PCDHGA2: variants seen among roughly 807,000 people sequenced by gnomAD.
PCDHGA2 encodes the protein protocadherin gamma-A2.
PCDHGA2 carries 40 observed loss-of-function variants against 59.2 expected under a neutral mutation model. That is an observed-to-expected ratio of 0.68 (90% CI 0.52 to 0.88). The LOEUF is 0.88. Among genes scored for constraint, PCDHGA2 ranks in the 40% least tolerant of loss-of-function variants. The pLI is 0.00. For synonymous variants in PCDHGA2, 560 were observed against 526.0 expected (o/e 1.06, Z -0.89); for missense variants, 1,226 against 1,204.0 (o/e 1.02, Z -0.27).
chr5:141,448,179 G>C (rs763996329), intron 1 of PCDHGA2, among the ~76,000 whole-genome samples: 1 of 151,982 alleles, frequency 6.6e-6, no homozygotes, highest in Non-Finnish European at 1.5e-5. Context: ...ATTCATCCCT[G>C]GTTATGTACA....
intron 1 of PCDHGA2, among the ~76,000 whole-genome samples, chr5:141,462,783 T>A (rs1313584666): frequency 6.6e-6 from 1 of 152,236 alleles, no homozygotes; most frequent in Non-Finnish European, 1.5e-5. Flanking sequence ...CATAATTTGT[T>A]GCTTATTTGC....
chr5:141,417,954 C>G, intron 1 of PCDHGA2: 2 of 1,613,600 alleles, frequency 1.2e-6, no homozygotes, highest in South Asian at 1.1e-5. Flanking sequence ...CTGTGTGAGC[C>G]GATCCGCTAC....
intron 1 of PCDHGA2, among the ~76,000 whole-genome samples, chr5:141,479,138 T>G (rs1469363480): frequency 6.6e-6 from 1 of 152,232 alleles, no homozygotes; most frequent in Non-Finnish European, 1.5e-5. Flanking sequence ...GCACCCTGCT[T>G]ACAAAATATT....
intron 1 of PCDHGA2, chr5:141,361,229 T>C: frequency 6.2e-7 from 1 of 1,613,992 alleles, no homozygotes. Flanking sequence ...CCAGGAACAG[T>C]GATCGCCTTG....
chr5:141,403,626 C>T, intron 1 of PCDHGA2: 1 of 1,613,910 alleles, frequency 6.2e-7, no homozygotes, highest in Non-Finnish European at 8.5e-7. Context: ...CGCTCCAGCA[C>T]AGTGCGCATC....
chr5:141,418,509 G>A, intron 1 of PCDHGA2: 1 of 1,613,986 alleles, frequency 6.2e-7, no homozygotes. Context: ...GCCTTAGATG[G>A]TGGGGACCCT....
Position 141,487,562 on chromosome 5 carries a change from G to C in PCDHGA2, c.2425-7245G>C. The stretch of plus-strand genomic sequence containing the variant: ...GAAGTCACCCAGTGCACCTATGGCA[G>C]GGGAGCCTGTTCGCCCAAGCTGCCC... On this transcript the variant is annotated intron_variant, in intron 1 of 3. Coordinates refer to ENST00000394576, the MANE Select transcript of PCDHGA2 (RefSeq NM_018915.4). The surrounding 1 kb of genome is among the most constrained non-coding windows in gnomAD (Gnocchi z 5.0). The C allele has an allele frequency of 6.2e-7, 1 of 1,614,178 alleles. No homozygotes were observed.
At chr5:141,495,209 C>T (rs548415564) in intron 2 of PCDHGA2, among the ~76,000 whole-genome samples, 1 of 152,342 alleles carries the variant, frequency 6.6e-6, no homozygotes, top group Admixed American at 6.5e-5. Flanking sequence ...GCCTAACCCC[C>T]TCCCCTGAGT....
chr5:141,475,921 A>T, intron 1 of PCDHGA2: 1 of 604,938 alleles, frequency 1.7e-6, no homozygotes, highest in Non-Finnish European at 2.8e-6. Flanking sequence ...AAGACGCTGG[A>T]GATCGGGCCC....
chr5:141,356,676 C>T (rs773817412), intron 1 of PCDHGA2: 16 of 1,613,838 alleles, frequency 9.9e-6, no homozygotes, highest in East Asian at 2.2e-5. Flanking sequence ...ACTCCCTGGC[C>T]GAAGACACCT....
chr5:141,384,221 AG>A, intron 1 of PCDHGA2: 1 of 1,613,936 alleles, frequency 6.2e-7, no homozygotes. Flanking sequence ...ATATTCATGC[AG>A]GTGGCAGACA....
chr5:141,414,597 C>T, intron 1 of PCDHGA2: 5 of 1,613,972 alleles, frequency 3.1e-6, no homozygotes, highest in Non-Finnish European at 3.4e-6. Flanking sequence ...GGGGTGCCTC[C>T]ATCTTCTCAG....
At position 141,486,785 on chromosome 5, in the gene PCDHGA2, C is replaced by T. The variant is rs763174232; in HGVS notation, c.2425-8022C>T. 1.2e-5 allele frequency: 20 copies of T among 1,614,102 alleles called. No homozygotes were observed. The highest frequency in any genetic ancestry group is 5.3e-5 in the African/African-American group (4 of 74,936). On this transcript the variant is annotated intron_variant, in intron 1 of 3. Transcript: ENST00000394576. This position sits in a 1 kb window ranked among gnomAD's most constrained non-coding sequence, Gnocchi z 5.0. ...GACACTGCAGTTTGAGGTGCAGGCC[C>T]GGGATCGGGGCAACCCACCCCTTAG...
intron 1 of PCDHGA2, among the ~76,000 whole-genome samples, chr5:141,458,758 G>T (rs1473104567): frequency 1.3e-5 from 2 of 150,844 alleles, no homozygotes; most frequent in Non-Finnish European, 3.0e-5. Context: ...TTTGAGACAG[G>T]GTCTTGCTGT....
In PCDHGA2 at chr5:141,511,173, A is replaced by T. The variant is rs1384881403; in HGVS notation, c.2799A>T (p.Ter933TyrextTer31). ...AGTCGGGCAAGAAGGAGAAGAAGTA[A>T]CATGGAGGCCAGGCCAAGAGCCACA... ...KKKSGKKEKK[*>Y] Residue 933 changes from the stop codon to tyrosine, a stop_lost, in exon 4 of 4, where the codon TAA (stop) becomes TAT (tyrosine). Coordinates refer to ENST00000394576, the MANE Select transcript of PCDHGA2 (RefSeq NM_018915.4). 6.2e-7 allele frequency: 1 copy of T among 1,614,132 alleles called. No homozygotes were observed.
Position 141,432,039 on chromosome 5 carries a change from G to C in PCDHGA2, c.2425-62768G>C. ...AACATCACAGTGACCGCCACTGACC[G>C]GGGAACCCCGCCCCTATCCACGGAA... On this transcript the variant is annotated intron_variant, in intron 1 of 3. Transcript: ENST00000394576. This position sits in a 1 kb window ranked among gnomAD's most constrained non-coding sequence, Gnocchi z 6.0. 6.2e-7 allele frequency: 1 copy of C among 1,614,176 alleles called. No homozygotes were observed. Among genetic ancestry groups the C allele is most frequent in the Non-Finnish European group, 8.5e-7 (1 of 1,180,028 alleles).
intron 1 of PCDHGA2, chr5:141,370,525 G>T: frequency 1.2e-6 from 2 of 1,613,874 alleles, no homozygotes; most frequent in Non-Finnish European, 1.7e-6. Flanking sequence ...CTGGACAGGG[G>T]CTCGCTGGTA....
chr5:141,470,652 C>T (rs923672818), intron 1 of PCDHGA2, among the ~76,000 whole-genome samples: 1 of 152,100 alleles, frequency 6.6e-6, no homozygotes, highest in African/African-American at 2.4e-5. Context: ...AAGGCCCCTA[C>T]CCTTTGGTTA....
Position 141,352,371 on chromosome 5 carries a change from T to A in PCDHGA2, c.2424+10976T>A, listed in dbSNP as rs756115221. On this transcript the variant is annotated intron_variant, in intron 1 of 3. Transcript: ENST00000394576. ...TCAGTGCTCTTTCTCCTCGCGGTGA[T>A]TCTAGCGATCGCCCTGCGCCTGCGA... 3 of 1,613,942 alleles carry A rather than the reference T, an allele frequency of 1.9e-6. No homozygotes were observed. The Admixed American group carries it at 5.0e-5, about 27-fold the overall frequency.
Sources: allele counts gnomAD v4.1 joint callset (sites outside exome capture counted in the v4.1 genomes callset), GRCh38; gene constraint gnomAD v4.1.1; non-coding constraint Gnocchi (gnomAD v3.1); transcripts MANE v1.5; gene names NCBI Gene and HGNC (gene_info 2026-07-23, HGNC 2026-07-21).